The following XKR9 variants were observed in gnomAD, a reference collection of about 807,000 sequenced individuals.
XKR9 encodes XK-related protein 9.
In XKR9, 32 loss-of-function variants were observed where a neutral mutation model predicts 32.0. The ratio of observed to expected loss-of-function variants is 1.00; its 90% CI spans 0.76 to 1.34. The LOEUF is 1.34. XKR9 is among the 40% of genes most tolerant of loss of function. The pLI, the probability that XKR9 is intolerant of heterozygous loss-of-function variation, is 0.00. For synonymous variants in XKR9, 168 were observed against 143.4 expected, an observed-to-expected ratio of 1.17 and a Z score of -1.22; for missense variants, 546 against 429.7, an observed-to-expected ratio of 1.27 and a Z score of -2.39.
chr8:70,761,396 C>G (rs955187991), intron 2 of XKR9, among the ~76,000 whole-genome samples: 1 of 152,064 alleles, frequency 6.6e-6, no homozygotes, highest in East Asian at 1.9e-4. Flanking sequence ...TTAATAAAAG[C>G]CACTCTGACT....
the XKR9 span, among the ~76,000 whole-genome samples, chr8:70,840,642 A>G: frequency 6.6e-6 from 1 of 152,188 alleles, no homozygotes; most frequent in African/African-American, 2.4e-5. Flanking sequence ...GTTCAGCATC[A>G]CCCAAGAGAA....
In XKR9 at chr8:70,681,375, A is replaced by G. The variant is rs757158614; in HGVS notation, c.272+45A>G. ...CATTACCACTGTTTTTCTTTTTCCA[A>G]ACAGAAGCTACCATTTTGTATCTTA... On this transcript the variant is annotated intron_variant, in intron 3 of 4. Coordinates refer to ENST00000408926, the MANE Select transcript of XKR9 (RefSeq NM_001011720.2). 22 of 1,559,826 alleles carry G rather than the reference A, an allele frequency of 1.4e-5. 1 individual carries two copies. Among genetic ancestry groups the G allele is most frequent in the African/African-American group, 4.1e-5 (3 of 72,688 alleles).
intron 4 of XKR9, among the ~76,000 whole-genome samples, chr8:70,729,314 A>G (rs980742124): frequency 2.0e-4 from 30 of 152,238 alleles, no homozygotes; most frequent in African/African-American, 7.0e-4. Flanking sequence ...GTTAAAAGCT[A>G]TAAATATCTC....
At chr8:70,750,055 G>A (rs1807117245) in intron 2 of XKR9, among the ~76,000 whole-genome samples, 2 of 151,972 alleles carry the variant, frequency 1.3e-5, no homozygotes, top group Non-Finnish European at 2.9e-5. Flanking sequence ...TTATGTGCAT[G>A]GTAGGATTTC....
At chr8:70,677,402 C>A (rs1483962519) in intron 2 of XKR9, among the ~76,000 whole-genome samples, 1 of 152,126 alleles carries the variant, frequency 6.6e-6, no homozygotes, top group Non-Finnish European at 1.5e-5. Context: ...CCTGGCTCAG[C>A]CTCCCAAAGT....
At chr8:70,882,874 G>A in the XKR9 span, among the ~76,000 whole-genome samples, 15 of 150,150 alleles carry the variant, frequency 1.0e-4, no homozygotes, top group East Asian at 1.9e-4. Context: ...CTAGTATCAC[G>A]CAGAATAGTT....
rs569734856 is a variant in XKR9, at chr8:70,681,450, G to A, written c.272+120G>A. 2.5e-6 allele frequency: 3 copies of A among 1,218,196 alleles called. No individual in the cohort carries two copies. The African/African-American group carries it at 4.5e-5, about 18-fold the overall frequency. The allele number at this position is 1,218,196 out of a possible 1,614,324, so 75.5% of individuals were successfully genotyped here. A position where few individuals can be genotyped will look rare whatever the true frequency, so the allele number is the denominator to read the frequency against. ...TCCCTTATTTGCATGAAGCACAAAG[G>A]TTACTTGCTCCTCACTATTGTGCTA... On this transcript the variant is annotated intron_variant, in intron 3 of 4. Coordinates refer to ENST00000408926, the MANE Select transcript of XKR9 (RefSeq NM_001011720.2).
the XKR9 span, among the ~76,000 whole-genome samples, chr8:70,807,983 C>T: frequency 1.1e-4 from 17 of 152,144 alleles, no homozygotes; most frequent in Admixed American, 9.2e-4. Flanking sequence ...CTACATGGCA[C>T]TTATTCTAAA....
intron 3 of XKR9, among the ~76,000 whole-genome samples, chr8:70,691,592 T>C (rs1805072269): frequency 6.6e-6 from 1 of 152,204 alleles, no homozygotes; most frequent in Non-Finnish European, 1.5e-5. Context: ...TTTTTGTATA[T>C]GGTGTAAGGA....
intron 2 of XKR9, among the ~76,000 whole-genome samples, chr8:70,774,721 A>G (rs1807496720): frequency 6.6e-6 from 1 of 152,122 alleles, no homozygotes; most frequent in African/African-American, 2.4e-5. Flanking sequence ...CCTATATGCA[A>G]TGGTCCATTA....
chr8:70,835,878 T>C, the XKR9 span, among the ~76,000 whole-genome samples: 17 of 152,082 alleles, frequency 1.1e-4, no homozygotes, highest in Non-Finnish European at 2.5e-4. Context: ...CAAACATTCT[T>C]TCACTGCTAA....
the XKR9 span, among the ~76,000 whole-genome samples, chr8:71,007,120 C>T: frequency 2.6e-5 from 4 of 152,162 alleles, no homozygotes; most frequent in South Asian, 2.1e-4. Flanking sequence ...TCAATGTCCG[C>T]GATTATACCT....
the XKR9 span, among the ~76,000 whole-genome samples, chr8:70,806,565 G>A: frequency 6.6e-6 from 1 of 152,122 alleles, no homozygotes; most frequent in Non-Finnish European, 1.5e-5. Context: ...GTTTAGAGAG[G>A]AACATAAATG....
At chr8:70,838,666 A>C in the XKR9 span, among the ~76,000 whole-genome samples, 29 of 152,186 alleles carry the variant, frequency 1.9e-4, no homozygotes, top group African/African-American at 6.7e-4. Context: ...TCTTTCTCTG[A>C]AGTTCATGTT....
chr8:70,681,516 T>G (rs964759634), intron 3 of XKR9, among the ~76,000 whole-genome samples, 186 bp downstream of exon 3: 2 of 152,124 alleles, frequency 1.3e-5, no homozygotes, highest in African/African-American at 2.4e-5. Context: ...TCCAGGTTCA[T>G]TAATAAAAAT....
chr8:71,038,332 T>C, the XKR9 span, among the ~76,000 whole-genome samples: 6 of 150,876 alleles, frequency 4.0e-5, no homozygotes, highest in Non-Finnish European at 7.4e-5. Flanking sequence ...TTGTTTTTTT[T>C]TTTTTTGAGA....
chr8:70,856,392 G>A, the XKR9 span, among the ~76,000 whole-genome samples: 3 of 152,148 alleles, frequency 2.0e-5, no homozygotes, highest in Admixed American at 2.0e-4. Context: ...TTACATAATG[G>A]TAAAGGGATC....
chr8:70,931,097 C>T, the XKR9 span, among the ~76,000 whole-genome samples: 1 of 151,174 alleles, frequency 6.6e-6, no homozygotes, highest in African/African-American at 2.4e-5. Context: ...AAATAAATAT[C>T]CACATAGTTG....
At chr8:70,725,889 CAGTG>C (rs897870402) in intron 4 of XKR9, among the ~76,000 whole-genome samples, 3 of 152,044 alleles carry the variant, frequency 2.0e-5, no homozygotes, top group Non-Finnish European at 4.4e-5. Context: ...CTGGATGACA[CAGTG>C]AGACTCCATC....
Sources: gnomAD v4.1 joint callset for allele counts (sites outside exome capture counted in the v4.1 genomes callset) on GRCh38, gnomAD v4.1.1 for gene constraint, MANE v1.5 for transcripts, NCBI Gene and HGNC (gene_info 2026-07-23, HGNC 2026-07-21) for gene names.